The following WFDC10B variants were observed in gnomAD, a reference collection of about 807,000 sequenced individuals.
WFDC10B encodes the protein protein WFDC10B.
WFDC10B carries 1 observed loss-of-function variant against 2.7 expected under a neutral mutation model. The observed-to-expected ratio is 0.38, with a 90% CI of 0.13 to 1.79. The LOEUF (loss-of-function observed/expected upper bound fraction) is 1.79, where lower values mean the gene tolerates loss of function less well. Ranked by LOEUF, WFDC10B falls within the 40% of genes most tolerant of loss-of-function variation. The pLI, the probability that WFDC10B is intolerant of heterozygous loss-of-function variation, is 0.33. For synonymous variants in WFDC10B, 26 were observed against 32.2 expected (o/e 0.81, Z 0.65); for missense variants, 71 against 87.8 (o/e 0.81, Z 0.76).
chr20:45,703,838 T>C (rs555626628), intron 2 of WFDC10B, among the ~76,000 whole-genome samples: 12 of 152,292 alleles, frequency 7.9e-5, no homozygotes, highest in African/African-American at 2.9e-4. Context: ...AGCTGAATCT[T>C]TGAACGCCAT....
intron 2 of WFDC10B, chr20:45,702,171 A>C: frequency 6.2e-7 from 1 of 1,613,414 alleles, no homozygotes; most frequent in African/African-American, 1.3e-5. Flanking sequence ...TCTGCCTAGC[A>C]CTGCAGCTGG....
chr20:45,701,999 C>A, intron 2 of WFDC10B: 1 of 820,590 alleles, frequency 1.2e-6, no homozygotes, highest in Non-Finnish European at 2.0e-6. Context: ...GATTGGAGTA[C>A]ACGGTGAAAG....
chr20:45,688,042 A>T (rs1479565595), intron 2 of WFDC10B, among the ~76,000 whole-genome samples: 2 of 102,232 alleles, frequency 2.0e-5, no homozygotes, highest in East Asian at 3.0e-4. Flanking sequence ...ACCCCACAAC[A>T]GTCCCCAGAG....
At chr20:45,703,010 G>A (rs1311117593) in intron 2 of WFDC10B, among the ~76,000 whole-genome samples, 1 of 152,184 alleles carries the variant, frequency 6.6e-6, no homozygotes, top group East Asian at 1.9e-4. Flanking sequence ...AGGACTAAGA[G>A]GGACTAAGCA....
chr20:45,692,320 T>C (rs1983839270), intron 2 of WFDC10B, among the ~76,000 whole-genome samples: 1 of 151,934 alleles, frequency 6.6e-6, no homozygotes, highest in Non-Finnish European at 1.5e-5. Flanking sequence ...TGTCTTGGAG[T>C]TGCTCTTCTC....
intron 2 of WFDC10B, among the ~76,000 whole-genome samples, chr20:45,695,299 G>C (rs1054566985): frequency 2.6e-5 from 4 of 152,196 alleles, no homozygotes; most frequent in African/African-American, 9.7e-5. Flanking sequence ...GGAACACCCA[G>C]TTGGTGTCCA....
intron 2 of WFDC10B, among the ~76,000 whole-genome samples, chr20:45,698,840 C>G (rs1033589232): frequency 1.3e-5 from 2 of 151,528 alleles, no homozygotes; most frequent in South Asian, 2.1e-4. Flanking sequence ...GGGTGGCAGG[C>G]GCCTGTAATC....
rs1030564446 is a variant in WFDC10B, at chr20:45,691,654, T to C, written c.-64-5598A>G. On this transcript the variant is annotated intron_variant, in intron 2 of 3. Transcript: ENST00000330523. ...AGTCTGTTTTATCAGAGACTAGGAT[T>C]GCAACCCCTGCCTTTTTTTATTTTC... Among the ~76,000 whole-genome samples, 7 of 152,200 alleles carry C rather than the reference T, an allele frequency of 4.6e-5. No homozygotes were observed. The East Asian group carries it at 1.2e-3, about 25-fold the overall frequency.
At position 45,685,918 on chromosome 20, in the gene WFDC10B, G is replaced by C. The variant is rs1481000717; in HGVS notation, c.75C>G (p.Asp25Glu). The change falls in exon 3 of 4, where the codon GAC becomes GAG. Residue 25 changes from aspartate (D) to glutamate (E), a missense_variant. Asp to Glu is a conservative substitution (Grantham distance 45, BLOSUM62 2). Transcript: ENST00000330523. ...ATCACCTACTCTGCATCCTCATCTT[G>C]TCACGGTATCCTCCCTGGGCCTGCA... ...LLLQAQGGYR[D>E]KMRMQRIKVC... 6.2e-7 allele frequency: 1 copy of C among 1,614,058 alleles called. No homozygotes were observed. The highest frequency in any genetic ancestry group is 1.1e-5 in the South Asian group (1 of 91,068).
chr20:45,704,840 CTG>C, intron 1 of WFDC10B, 76 bp downstream of exon 1: 1 of 1,494,338 alleles, frequency 6.7e-7, no homozygotes, highest in Non-Finnish European at 9.3e-7. Flanking sequence ...CTCTGCCTCT[CTG>C]AACACACCCA....
At chr20:45,685,047 CCAAGG>C in intron 3 of WFDC10B, 87 bp from the exon 4 acceptor site, 1 of 1,553,394 alleles carries the variant, frequency 6.4e-7, no homozygotes, top group Non-Finnish European at 8.7e-7. Context: ...GGCCCCAGAA[CCAAGG>C]CACCCCTGCC....
chr20:45,692,629 C>T (rs1600957697), intron 2 of WFDC10B, among the ~76,000 whole-genome samples: 3 of 152,310 alleles, frequency 2.0e-5, no homozygotes, highest in Admixed American at 2.0e-4. Context: ...ACATTGGCTC[C>T]TGAGGCTTCT....
chr20:45,696,242 C>T (rs1362081186), intron 2 of WFDC10B, among the ~76,000 whole-genome samples: 8 of 147,416 alleles, frequency 5.4e-5, no homozygotes, highest in South Asian at 4.3e-4. Flanking sequence ...GCCAAGATCG[C>T]GCCACTGCAC....
chr20:45,688,276 G>A lies in WFDC10B; in HGVS notation c.-64-2220C>T, dbSNP rs912852293. On this transcript the variant is annotated intron_variant, in intron 2 of 3. Transcript: ENST00000330523. Reference sequence around the variant, plus strand: ...CATTTTCTTAATCCAGTCTATCATTGTTGGACATTTGGGTTGGTTCCAAGT... The same window carrying A: ...CATTTTCTTAATCCAGTCTATCATTATTGGACATTTGGGTTGGTTCCAAGT... Among the ~76,000 whole-genome samples the A allele has an allele frequency of 6.9e-3, 1,042 of 151,954 alleles. 7 individuals carry two copies. The highest frequency in any genetic ancestry group is 0.01 in the Middle Eastern group (3 of 294).
intron 2 of WFDC10B, among the ~76,000 whole-genome samples, chr20:45,691,533 CA>C (rs1568671204): frequency 6.6e-6 from 1 of 151,016 alleles, no homozygotes; most frequent in Non-Finnish European, 1.5e-5. Flanking sequence ...GTATTGGGCG[CA>C]TATATATTTA....
chr20:45,693,630 G>A (rs1046164292), intron 2 of WFDC10B, among the ~76,000 whole-genome samples: 1 of 152,170 alleles, frequency 6.6e-6, no homozygotes, highest in Non-Finnish European at 1.5e-5. Flanking sequence ...GACCCTCCGA[G>A]CCAGGTGTGG....
At chr20:45,702,260 G>C (rs934099727) in intron 2 of WFDC10B, 8 of 1,546,544 alleles carry the variant, frequency 5.2e-6, no homozygotes, top group Non-Finnish European at 7.1e-6. Flanking sequence ...GTGTGGATAG[G>C]AGAGGATCTG....
chr20:45,688,285 T>C (rs1163023585), intron 2 of WFDC10B, among the ~76,000 whole-genome samples: 1 of 152,000 alleles, frequency 6.6e-6, no homozygotes, highest in African/African-American at 2.4e-5. Flanking sequence ...TGTTGGACAT[T>C]TGGGTTGGTT....
intron 2 of WFDC10B, among the ~76,000 whole-genome samples, chr20:45,686,771 G>A (rs972336630): frequency 6.0e-5 from 9 of 151,214 alleles, no homozygotes; most frequent in African/African-American, 2.2e-4. Context: ...CAAGCAATTC[G>A]CACCTCAGCC....
Sources: gnomAD v4.1 joint callset for allele counts (sites outside exome capture counted in the v4.1 genomes callset) on GRCh38, gnomAD v4.1.1 for gene constraint, MANE v1.5 for transcripts, NCBI Gene and HGNC (gene_info 2026-07-23, HGNC 2026-07-21) for gene names.